Variants in ADGRD1 observed in about 807,000 individuals in gnomAD.
The protein encoded by ADGRD1 is G-protein coupled receptor 133.
A neutral mutation model predicts 113.4 loss-of-function variants in ADGRD1; 77 were observed. That is an observed-to-expected ratio of 0.68 (90% CI 0.57 to 0.82). The LOEUF is 0.82. Ranked by LOEUF, ADGRD1 falls within the 40% of genes least tolerant of loss-of-function variation. ADGRD1 has a pLI of 0.00. For missense variants in ADGRD1, 1,036 were observed against 1,139.1 expected, an observed-to-expected ratio of 0.91 and a Z score of 1.30; for synonymous variants, 474 against 475.0, an observed-to-expected ratio of 1.00 and a Z score of 0.03.
In ADGRD1 at chr12:131,057,458, G is replaced by C. The variant is rs1883971798; in HGVS notation, c.1474-19343G>C. Reference sequence around the variant, plus strand: ...AACAGCAGAAAGCCGTTCTCCTGCAGCTCTTGAGTCCACGAGTCTGAGACA... The same window carrying C: ...AACAGCAGAAAGCCGTTCTCCTGCACCTCTTGAGTCCACGAGTCTGAGACA... On this transcript the variant is annotated intron_variant, in intron 13 of 24. Coordinates refer to ENST00000261654, the MANE Select transcript of ADGRD1 (RefSeq NM_198827.5). This position sits in a 1 kb window ranked among gnomAD's most constrained non-coding sequence, Gnocchi z 4.2. Among the ~76,000 whole-genome samples the C allele has an allele frequency of 6.6e-6, 1 of 152,142 alleles. No individual in the cohort carries two copies. The highest frequency in any genetic ancestry group is 2.4e-5 in the African/African-American group (1 of 41,430).
intron 5 of ADGRD1, among the ~76,000 whole-genome samples, chr12:130,985,969 C>G (rs763863548): frequency 1.3e-5 from 2 of 152,150 alleles, no homozygotes; most frequent in Non-Finnish European, 2.9e-5. Flanking sequence ...GATTGGTTGA[C>G]TGTATTTTTA....
chr12:130,985,875 C>T (rs777198584), intron 5 of ADGRD1, among the ~76,000 whole-genome samples: 6 of 152,232 alleles, frequency 3.9e-5, no homozygotes, highest in Non-Finnish European at 5.9e-5. Context: ...TTTTTTGGAA[C>T]GTGGATATTC....
intron 18 of ADGRD1, among the ~76,000 whole-genome samples, chr12:131,114,060 T>C (rs946589012): frequency 7.9e-5 from 12 of 152,118 alleles, no homozygotes; most frequent in African/African-American, 2.9e-4. Context: ...GAACGAAAAG[T>C]GTCTGCAGGA....
At chr12:130,963,860 T>TAC (rs1870702787) in intron 2 of ADGRD1, among the ~76,000 whole-genome samples, 1 of 152,152 alleles carries the variant, frequency 6.6e-6, no homozygotes, top group Non-Finnish European at 1.5e-5. Flanking sequence ...TTGGGATAGA[T>TAC]ACTGCCAAAT....
intron 15 of ADGRD1, among the ~76,000 whole-genome samples, chr12:131,091,407 G>A (rs1272459070): frequency 6.6e-6 from 1 of 152,102 alleles, no homozygotes; most frequent in Non-Finnish European, 1.5e-5. Flanking sequence ...CCACGCTAAG[G>A]GAGATTATTC....
rs1951236034 is a variant in ADGRD1, at chr12:131,141,161, T to C, written c.*1898T>C. The C allele has an allele frequency of 1.3e-5, 2 of 152,234 alleles. No individual in the cohort carries two copies. The highest frequency in any genetic ancestry group is 2.4e-5 in the African/African-American group (1 of 41,466). The allele number at this position is 152,234 out of a possible 1,614,324, so 9.4% of individuals were successfully genotyped here. On this transcript the variant is annotated 3_prime_UTR_variant, in exon 25 of 25. Coordinates refer to ENST00000261654, the MANE Select transcript of ADGRD1 (RefSeq NM_198827.5). ...GTGAAACAAATCAAGTAAGGAACTATCTTTAGTTTAGATGGAATTATTTGT... is the reference window on the plus strand; with the variant it reads ...GTGAAACAAATCAAGTAAGGAACTACCTTTAGTTTAGATGGAATTATTTGT...
chr12:131,120,733 C>A, intron 19 of ADGRD1, 114 bp from the exon 20 acceptor site: 1 of 938,858 alleles, frequency 1.1e-6, no homozygotes, highest in Non-Finnish European at 1.8e-6. Flanking sequence ...GTATGACTGC[C>A]CCAGGTGGAC....
chr12:130,970,708 G>T (rs4759815), intron 3 of ADGRD1: 1 of 152,124 alleles, frequency 6.6e-6, no homozygotes, highest in Non-Finnish European at 1.5e-5. Flanking sequence ...TTCTGTAAAC[G>T]ATTTACCCCA....
chr12:130,970,155 T>C (rs919262398), intron 3 of ADGRD1: 1 of 152,140 alleles, frequency 6.6e-6, no homozygotes, highest in Admixed American at 6.5e-5. Flanking sequence ...TGGCTCAACA[T>C]GAAGCTCAAA....
chr12:131,032,968 G>A (rs1042967583), intron 13 of ADGRD1, among the ~76,000 whole-genome samples: 2 of 142,474 alleles, frequency 1.4e-5, no homozygotes, highest in Non-Finnish European at 3.1e-5. Context: ...TAGAGAAATC[G>A]CCACCCCGTC....
chr12:131,137,898 G>T, intron 23 of ADGRD1: 1 of 441,746 alleles, frequency 2.3e-6, no homozygotes, highest in Non-Finnish European at 4.2e-6. Context: ...ATTGCTGAGT[G>T]TGAGGAGCCC....
intron 12 of ADGRD1, among the ~76,000 whole-genome samples, chr12:131,009,207 G>A (rs989579136): frequency 3.3e-5 from 5 of 152,236 alleles, no homozygotes; most frequent in Admixed American, 2.6e-4. Context: ...CATGGGAGAC[G>A]TCCATGCCTC....
At chr12:131,044,885 G>A (rs957326079) in intron 13 of ADGRD1, among the ~76,000 whole-genome samples, 1 of 152,266 alleles carries the variant, frequency 6.6e-6, no homozygotes, top group Non-Finnish European at 1.5e-5. Flanking sequence ...GCCTCGCGCC[G>A]TATTCCACCG....
At chr12:131,018,737 G>C (rs1631894) in intron 13 of ADGRD1, among the ~76,000 whole-genome samples, 96,200 of 152,084 alleles carry the variant, frequency 0.63, 32,214 homozygotes, top group East Asian at 0.84. Flanking sequence ...GGCACCCCTG[G>C]ATCGTTTCTG....
rs1056730041 is a variant in ADGRD1, at chr12:130,984,789, T to C, written c.491-2306T>C. On this transcript the variant is annotated intron_variant, in intron 5 of 24. Coordinates refer to ENST00000261654, the MANE Select transcript of ADGRD1 (RefSeq NM_198827.5). The surrounding 1 kb of genome is among the most constrained non-coding windows in gnomAD (Gnocchi z 4.1). ...CTTTCTTCTTCCCCTCCTCTCTCTT[T>C]TCCTTCTTTCCCTCCCTCCCTTCCT... is the stretch of plus-strand genomic sequence containing the variant. 2.0e-5 allele frequency among the ~76,000 whole-genome samples: 3 copies of C among 151,556 alleles called. No homozygotes were observed.
intron 23 of ADGRD1, 187 bp from the exon 24 acceptor site, chr12:131,137,950 C>T (rs1029452836): frequency 3.0e-5 from 18 of 597,028 alleles, no homozygotes; most frequent in African/African-American, 5.5e-5. Flanking sequence ...GCCTGCGATA[C>T]AACCTGGCTC....
intron 15 of ADGRD1, among the ~76,000 whole-genome samples, chr12:131,093,931 AAGCACCCAGCCTCAGC>A (rs1328548372): frequency 3.0e-4 from 31 of 103,076 alleles, no homozygotes; most frequent in East Asian, 1.1e-3. Context: ...GCTCAGGCCC[AAGCACCCAGCCTCAGC>A]AGCACCCAGC....
chr12:131,061,304 C>A (rs1884305622), intron 13 of ADGRD1, among the ~76,000 whole-genome samples: 1 of 152,172 alleles, frequency 6.6e-6, no homozygotes, highest in Non-Finnish European at 1.5e-5. Flanking sequence ...GTCATGGGTC[C>A]TCTTGGGATC....
chr12:130,959,514 T>C (rs114701887), intron 2 of ADGRD1, among the ~76,000 whole-genome samples: 2,969 of 152,270 alleles, frequency 0.019, 107 homozygotes, highest in African/African-American at 0.068. Context: ...AAGGCTGCAG[T>C]GAACCGTGAT....
Sources: gnomAD v4.1 joint callset for allele counts (sites outside exome capture counted in the v4.1 genomes callset) on GRCh38, gnomAD v4.1.1 for gene constraint, Gnocchi (gnomAD v3.1) non-coding constraint, MANE v1.5 for transcripts, NCBI Gene and HGNC (gene_info 2026-07-23, HGNC 2026-07-21) for gene names.